Variants in PITPNM3 observed in about 807,000 individuals in gnomAD.
PITPNM3 encodes the protein membrane-associated phosphatidylinositol transfer protein 3.
Under a neutral mutation model 102.0 loss-of-function variants are expected in PITPNM3, and 26 were observed. The observed-to-expected ratio is 0.25, with a 90% confidence interval of 0.19 to 0.35. PITPNM3 has a LOEUF of 0.35. Among genes scored for constraint, PITPNM3 ranks in the 10% least tolerant of loss-of-function variants. PITPNM3 has a pLI of 1.00. For synonymous variants in PITPNM3, 578 were observed against 558.6 expected (o/e 1.03, Z -0.49); for missense variants, 1,083 against 1,346.1 (o/e 0.80, Z 3.06).
intron 14 of PITPNM3, among the ~76,000 whole-genome samples, chr17:6,467,100 A>G (rs1904824555): frequency 6.6e-6 from 1 of 151,800 alleles, no homozygotes; most frequent in South Asian, 2.1e-4. Context: ...AAAACAGGTG[A>G]AAACAACCCA....
chr17:6,475,768 T>C (rs1905275491), intron 9 of PITPNM3, among the ~76,000 whole-genome samples: 1 of 152,176 alleles, frequency 6.6e-6, no homozygotes, highest in South Asian at 2.1e-4. Context: ...CTCTCCAAAT[T>C]TGGGGCTCTC....
At chr17:6,476,885 G>GTC in intron 9 of PITPNM3, 144 bp downstream of exon 9, 38 of 1,046,174 alleles carry the variant, frequency 3.6e-5, no homozygotes, top group Admixed American at 2.1e-4. Flanking sequence ...CTCAGTACAG[G>GTC]GCCGATGGCG....
At chr17:6,516,671 C>T (rs980924358) in intron 3 of PITPNM3, among the ~76,000 whole-genome samples, 7 of 151,784 alleles carry the variant, frequency 4.6e-5, no homozygotes, top group Non-Finnish European at 1.0e-4. Context: ...CCAACAAACA[C>T]CTCCACAACA....
intron 9 of PITPNM3, 149 bp from the exon 10 acceptor site, chr17:6,474,753 C>T: frequency 1.0e-6 from 1 of 978,578 alleles, no homozygotes; most frequent in Admixed American, 2.4e-5. Flanking sequence ...CGGCTGCACA[C>T]CACCTACAGT....
intron 4 of PITPNM3, among the ~76,000 whole-genome samples, chr17:6,501,844 T>A (rs1011262400): frequency 1.3e-5 from 2 of 152,204 alleles, no homozygotes; most frequent in Non-Finnish European, 2.9e-5. Flanking sequence ...TGGCCTTGCA[T>A]GGTGTGGAAT....
chr17:6,517,482 A>C lies in PITPNM3; in HGVS notation c.226+7874T>G, dbSNP rs377321901. On this transcript the variant is annotated intron_variant, in intron 3 of 19. Coordinates refer to ENST00000262483, the MANE Select transcript of PITPNM3 (RefSeq NM_031220.4). The surrounding 1 kb of genome is among the most constrained non-coding windows in gnomAD (Gnocchi z 4.1). Reference sequence around the variant, plus strand: ...GAGAAGGAAGAAAAAAGGTACAAACATCCTTCCCTGTTCAGGGATAGCATA... The same window carrying C: ...GAGAAGGAAGAAAAAAGGTACAAACCTCCTTCCCTGTTCAGGGATAGCATA... 3.3e-5 allele frequency among the ~76,000 whole-genome samples: 5 copies of C among 152,352 alleles called. No individual in the cohort carries two copies. The highest frequency in any genetic ancestry group is 1.9e-4 in the East Asian group (1 of 5,190).
In PITPNM3 at chr17:6,464,231, A is replaced by G; in HGVS notation, c.2095T>C (p.Tyr699His). ...EITNSSGRIT[Y>H]NVPRPRRLGV... The stretch of plus-strand genomic sequence containing the variant: ...AGGCGCCGGGGCCGCGGCACATTGT[A>G]TGTGATGCGACCACTGCTGTTGGTG... Residue 699 changes from tyrosine to histidine, a missense_variant, in exon 16 of 20, where the codon TAC becomes CAC. Coordinates refer to ENST00000262483, the MANE Select transcript of PITPNM3 (RefSeq NM_031220.4). 1 of 1,614,144 alleles carries G rather than the reference A, an allele frequency of 6.2e-7. No individual in the cohort carries two copies. The highest frequency in any genetic ancestry group is 8.5e-7 in the Non-Finnish European group (1 of 1,180,022).
chr17:6,514,496 G>A (rs376386969), intron 3 of PITPNM3, among the ~76,000 whole-genome samples: 16 of 152,088 alleles, frequency 1.1e-4, no homozygotes, highest in East Asian at 5.8e-4. Flanking sequence ...ATAAGCACAC[G>A]AAAAGATGCT....
chr17:6,493,810 C>T (rs1906639215), intron 4 of PITPNM3, among the ~76,000 whole-genome samples: 2 of 152,262 alleles, frequency 1.3e-5, no homozygotes, highest in East Asian at 1.9e-4. Context: ...TGCCCTAAAC[C>T]CTGCCCCTTG....
At chr17:6,461,627 G>C in intron 17 of PITPNM3, 71 bp from the exon 18 acceptor site, 1 of 1,528,686 alleles carries the variant, frequency 6.5e-7, no homozygotes, top group Non-Finnish European at 9.1e-7. Context: ...AGCCTGCCCT[G>C]CCCGCAGCTG....
rs759738734 is a variant in PITPNM3, at chr17:6,455,552, C to T, written c.2711G>A (p.Arg904His). ...CGCGTGCAGCCCGAAGCTGCCCTTG[C>T]GCAGGATCATGCGCGAGTTGTTCTT... ...PKKNNSRMIL[R>H]KGSFGLHAQP... The change falls in exon 20 of 20, where the codon CGC (arginine) becomes CAC (histidine). Residue 904 changes from arginine to histidine, a missense_variant. By Grantham distance (29) the Arg-to-His change is conservative. Around this residue, in one of 5 missense-constraint regions of PITPNM3, gnomAD observed 208 missense variants for 178.2 expected, o/e 1.17. Coordinates refer to ENST00000262483, the MANE Select transcript of PITPNM3 (RefSeq NM_031220.4). 6 of 1,603,368 alleles carry T rather than the reference C, an allele frequency of 3.7e-6. No individual in the cohort carries two copies. In the Admixed American group the frequency reaches 6.7e-5, roughly 18 times the overall value.
chr17:6,477,259 G>A (rs372475168), intron 8 of PITPNM3, 46 bp from the exon 9 acceptor site: 92 of 1,585,814 alleles, frequency 5.8e-5, no homozygotes, highest in East Asian at 9.0e-5. Context: ...CTGTTGTCAC[G>A]GGAGACTCTG....
chr17:6,555,077 G>A (rs1443482081), intron 1 of PITPNM3, among the ~76,000 whole-genome samples: 2 of 152,196 alleles, frequency 1.3e-5, no homozygotes, highest in Non-Finnish European at 2.9e-5. Flanking sequence ...CACGGTGGAG[G>A]AAAGAGGGAG....
chr17:6,517,094 A>C lies in PITPNM3; in HGVS notation c.226+8262T>G, dbSNP rs1908232257. 6.6e-6 allele frequency among the ~76,000 whole-genome samples: 1 copy of C among 152,236 alleles called. No individual in the cohort carries two copies. The highest frequency in any genetic ancestry group is 2.1e-4 in the South Asian group (1 of 4,836). On this transcript the variant is annotated intron_variant, in intron 3 of 19. Transcript: ENST00000262483. The surrounding 1 kb of genome is among the most constrained non-coding windows in gnomAD (Gnocchi z 4.1). ...CAAGCAAAATAAAGACATGTTTAGCAATGCAAGGACCTAGAAAATTGCTAT... is the reference window on the plus strand; with the variant it reads ...CAAGCAAAATAAAGACATGTTTAGCCATGCAAGGACCTAGAAAATTGCTAT...
At chr17:6,467,633 AGCAATGGTTGTGTCTGTACAACCCTGT>A (rs1330744678) in intron 14 of PITPNM3, among the ~76,000 whole-genome samples, 1 of 152,222 alleles carries the variant, frequency 6.6e-6, no homozygotes, top group Non-Finnish European at 1.5e-5. Flanking sequence ...TGCCTACCAT[AGCAATGGTTGTGTCTGTACAACCCTGT>A]GCTCCACTCT....
chr17:6,535,902 A>C (rs1336686512), intron 2 of PITPNM3, among the ~76,000 whole-genome samples: 2 of 151,766 alleles, frequency 1.3e-5, no homozygotes, highest in African/African-American at 2.4e-5. Context: ...TACTAAAACT[A>C]CAAAAAAAAA....
chr17:6,491,325 G>C (rs534986066), intron 4 of PITPNM3, among the ~76,000 whole-genome samples: 65 of 152,288 alleles, frequency 4.3e-4, no homozygotes, highest in South Asian at 8.3e-4. Context: ...CACCACTTGA[G>C]CTCAAGGAAT....
intron 12 of PITPNM3, 43 bp downstream of exon 12, chr17:6,471,118 C>T (rs1905046156): frequency 6.2e-7 from 1 of 1,606,704 alleles, no homozygotes; most frequent in African/African-American, 1.3e-5. Flanking sequence ...GGAAGGTTCC[C>T]CTCCCCCGAA....
intron 4 of PITPNM3, 106 bp downstream of exon 4, chr17:6,503,421 C>A (rs1466871674): frequency 1.5e-6 from 2 of 1,325,536 alleles, no homozygotes; most frequent in Non-Finnish European, 2.1e-6. Flanking sequence ...TGGCAGGGAT[C>A]CTGCCATCCT....
Sources: allele counts gnomAD v4.1 joint callset (sites outside exome capture counted in the v4.1 genomes callset), GRCh38; gene constraint gnomAD v4.1.1; regional missense constraint gnomAD v4.1.1; non-coding constraint Gnocchi (gnomAD v3.1); transcripts MANE v1.5; gene names NCBI Gene and HGNC (gene_info 2026-07-23, HGNC 2026-07-21).